CEP112: variants seen among roughly 807,000 people sequenced by gnomAD.
CEP112 encodes centrosomal protein 112.
CEP112 carries 127 observed loss-of-function variants against 153.0 expected under a neutral mutation model. That is an observed-to-expected ratio of 0.83 (90% CI 0.72 to 0.96). The LOEUF is 0.96. Among genes scored for constraint, CEP112 ranks in the 40% least tolerant of loss-of-function variants. CEP112 has a pLI of 0.00. For missense variants in CEP112, 1,089 were observed against 1,101.2 expected (o/e 0.99, Z 0.16); for synonymous variants, 358 against 374.4 (o/e 0.96, Z 0.51).
chr17:65,837,179 T>C (rs2146183906), intron 21 of CEP112, among the ~76,000 whole-genome samples: 1 of 152,306 alleles, frequency 6.6e-6, no homozygotes, highest in African/African-American at 2.4e-5. Flanking sequence ...GCCGCCTGCC[T>C]TGGCCTCCCA....
chr17:65,906,056 AT>A lies in CEP112; in HGVS notation c.1981-3723del, dbSNP rs370149944. On this transcript the variant is annotated intron_variant, in intron 19 of 26. Transcript: ENST00000535342. ...ACCAATGATAGACTAGATAAAGAAA[AT>A]GTGGCACATTTACACCATACTATGC... Among the ~76,000 whole-genome samples the A allele has an allele frequency of 4.5e-4, 68 of 152,308 alleles. 1 individual carries two copies. In the East Asian group the frequency reaches 0.013, roughly 29 times the overall value.
chr17:65,747,998 T>C (rs2051579068), intron 22 of CEP112, among the ~76,000 whole-genome samples: 1 of 152,212 alleles, frequency 6.6e-6, no homozygotes, highest in African/African-American at 2.4e-5. Flanking sequence ...TTGCTTTTAG[T>C]GTTCTCATCA....
At chr17:65,970,709 CATG>C (rs976616862) in intron 17 of CEP112, among the ~76,000 whole-genome samples, 36 of 106,296 alleles carry the variant, frequency 3.4e-4, no homozygotes, top group East Asian at 2.2e-3. Flanking sequence ...CATGCATACA[CATG>C]ACATGTGCCT....
At chr17:65,900,633 T>C (rs904107008) in intron 20 of CEP112, among the ~76,000 whole-genome samples, 2 of 152,168 alleles carry the variant, frequency 1.3e-5, no homozygotes, top group African/African-American at 2.4e-5. Context: ...TATACAATTC[T>C]ACTATGCAAA....
At chr17:65,648,343 G>A (rs2045553148) in intron 24 of CEP112, among the ~76,000 whole-genome samples, 3 of 152,180 alleles carry the variant, frequency 2.0e-5, no homozygotes, top group African/African-American at 7.2e-5. Flanking sequence ...TCTATAACTA[G>A]TAATGACTCC....
intron 21 of CEP112, among the ~76,000 whole-genome samples, chr17:65,782,507 G>C (rs1350152507): frequency 1.3e-5 from 2 of 152,070 alleles, no homozygotes; most frequent in Non-Finnish European, 1.5e-5. Context: ...CCAAAAGAAA[G>C]TAATTCATTC....
chr17:66,053,181 AT>A (rs2066516532), intron 12 of CEP112, among the ~76,000 whole-genome samples: 1 of 151,754 alleles, frequency 6.6e-6, no homozygotes. Context: ...AAGAAAAAAG[AT>A]TTATAAAGGC....
At chr17:65,787,100 C>T (rs767287231) in intron 21 of CEP112, among the ~76,000 whole-genome samples, 45 of 152,162 alleles carry the variant, frequency 3.0e-4, no homozygotes, top group Non-Finnish European at 3.8e-4. Flanking sequence ...CTACTAACGT[C>T]CATACCTTTG....
intron 8 of CEP112, among the ~76,000 whole-genome samples, chr17:66,075,886 A>T (rs1157676136): frequency 6.6e-6 from 1 of 152,194 alleles, no homozygotes; most frequent in Non-Finnish European, 1.5e-5. Flanking sequence ...GTGAGTTCCC[A>T]AACTGCAGAA....
chr17:65,799,304 A>G (rs893524694), intron 21 of CEP112, among the ~76,000 whole-genome samples: 3 of 152,184 alleles, frequency 2.0e-5, no homozygotes, highest in African/African-American at 7.2e-5. Flanking sequence ...CAATGCTGGG[A>G]TACGGAGCTG....
chr17:65,868,216 T>A (rs1383715858), intron 20 of CEP112, among the ~76,000 whole-genome samples: 3 of 152,116 alleles, frequency 2.0e-5, no homozygotes, highest in African/African-American at 7.2e-5. Flanking sequence ...AATACATTGA[T>A]GACCAGGTGC....
At chr17:65,737,248 C>A (rs900757150) in intron 23 of CEP112, among the ~76,000 whole-genome samples, 2 of 152,246 alleles carry the variant, frequency 1.3e-5, no homozygotes, top group Non-Finnish European at 2.9e-5. Context: ...AAAAAACCAT[C>A]AAAAACCTGG....
chr17:65,778,736 A>G (rs548850197), intron 21 of CEP112, among the ~76,000 whole-genome samples: 7 of 152,226 alleles, frequency 4.6e-5, no homozygotes, highest in Admixed American at 1.3e-4. Context: ...GTTTCTAAGT[A>G]TAGAAAAATA....
chr17:65,770,928 T>TAAAAAAAAAAAAAAAAAAAGAAAAAAA (rs34049976), intron 21 of CEP112, among the ~76,000 whole-genome samples: 1 of 124,304 alleles, frequency 8.0e-6, no homozygotes, highest in Non-Finnish European at 1.6e-5. Context: ...GACTCCGTCT[T>TAAAAAAAAAAAAAAAAAAAGAAAAAAA]AAAAAAAAAA....
At chr17:66,043,853 G>C (rs8080587) in intron 12 of CEP112, among the ~76,000 whole-genome samples, 86,426 of 151,686 alleles carry the variant, frequency 0.57, 25,777 homozygotes, top group African/African-American at 0.67. Flanking sequence ...CAACAAAAAA[G>C]AAAAAAGCCT....
intron 17 of CEP112, among the ~76,000 whole-genome samples, chr17:66,000,523 T>C (rs1427931439): frequency 6.6e-6 from 1 of 150,984 alleles, no homozygotes; most frequent in African/African-American, 2.4e-5. Flanking sequence ...ACCTTTTGCA[T>C]TACTTAAGTC....
intron 6 of CEP112, among the ~76,000 whole-genome samples, chr17:66,128,415 T>C (rs1295538380): frequency 2.7e-5 from 4 of 150,848 alleles, no homozygotes; most frequent in Non-Finnish European, 5.9e-5. Context: ...ACTTTCATAA[T>C]CCCACCAAGT....
intron 4 of CEP112, among the ~76,000 whole-genome samples, chr17:66,172,359 C>A (rs948448306): frequency 6.6e-6 from 1 of 152,024 alleles, no homozygotes; most frequent in Admixed American, 6.5e-5. Context: ...CCTAAACTGC[C>A]CTGGGATATC....
intron 11 of CEP112, among the ~76,000 whole-genome samples, chr17:66,058,980 A>G (rs1424466810): frequency 6.6e-6 from 1 of 152,194 alleles, no homozygotes; most frequent in Non-Finnish European, 1.5e-5. Context: ...GACCGATGAA[A>G]CAGAAGAGAG....
Sources: allele counts gnomAD v4.1 joint callset (sites outside exome capture counted in the v4.1 genomes callset), GRCh38; gene constraint gnomAD v4.1.1; transcripts MANE v1.5; gene names NCBI Gene and HGNC (gene_info 2026-07-23, HGNC 2026-07-21).